Variants in AGBL3 observed in about 807,000 individuals in gnomAD.
AGBL3 encodes the protein AGBL carboxypeptidase 3.
A neutral mutation model predicts 94.5 loss-of-function variants in AGBL3; 68 were observed. The ratio of observed to expected loss-of-function variants is 0.72; its 90% CI spans 0.59 to 0.88. The LOEUF is 0.88. Ranked by LOEUF, AGBL3 falls within the 40% of genes least tolerant of loss-of-function variation. The probability of loss-of-function intolerance (pLI) is 0.00; values close to 1 mark genes in which losing one functional copy is unlikely to be tolerated. For missense variants in AGBL3, 934 were observed against 1,103.8 expected (o/e 0.85, Z 2.18); for synonymous variants, 354 against 370.7 (o/e 0.95, Z 0.52).
intron 16 of AGBL3, among the ~76,000 whole-genome samples, chr7:135,132,850 G>A (rs1314217514): frequency 6.6e-6 from 1 of 152,060 alleles, no homozygotes; most frequent in Non-Finnish European, 1.5e-5. Flanking sequence ...AAATTACCCA[G>A]CATTGGGTAT....
intron 15 of AGBL3, among the ~76,000 whole-genome samples, chr7:135,112,866 C>T (rs1261575047): frequency 6.6e-6 from 1 of 152,188 alleles, no homozygotes; most frequent in Non-Finnish European, 1.5e-5. Flanking sequence ...CAACCTCCGC[C>T]TCCTGGGTTC....
At chr7:134,998,627 T>C (rs1019315820) in intron 4 of AGBL3, among the ~76,000 whole-genome samples, 4 of 152,216 alleles carry the variant, frequency 2.6e-5, no homozygotes, top group African/African-American at 7.2e-5. Context: ...TAAGGATATA[T>C]AGGTACAGAA....
intron 4 of AGBL3, among the ~76,000 whole-genome samples, chr7:135,008,059 T>G (rs1414026953): frequency 6.6e-6 from 1 of 152,034 alleles, no homozygotes; most frequent in Non-Finnish European, 1.5e-5. Context: ...GACAGTCCTC[T>G]CCAAATGAAT....
At chr7:135,127,325 G>T (rs945854363) in intron 16 of AGBL3, among the ~76,000 whole-genome samples, 1 of 151,654 alleles carries the variant, frequency 6.6e-6, no homozygotes, top group Admixed American at 6.6e-5. Flanking sequence ...GGGAGGCCAG[G>T]GTGGGTGGAT....
At chr7:135,095,938 G>A (rs1169271788) in intron 15 of AGBL3, among the ~76,000 whole-genome samples, 1 of 152,170 alleles carries the variant, frequency 6.6e-6, no homozygotes, top group African/African-American at 2.4e-5. Context: ...GATCACCTGA[G>A]GTCAGGAGTT....
chr7:134,989,208 G>GT, intron 2 of AGBL3, 42 bp from the exon 3 acceptor site: 1 of 1,430,128 alleles, frequency 7.0e-7, no homozygotes, highest in Non-Finnish European at 9.5e-7. Flanking sequence ...TTTGAAAACT[G>GT]TTGGTTTTTA....
intron 15 of AGBL3, among the ~76,000 whole-genome samples, chr7:135,098,303 T>A (rs902994409): frequency 6.6e-6 from 1 of 152,186 alleles, no homozygotes; most frequent in Non-Finnish European, 1.5e-5. Context: ...AATGGCATAG[T>A]GTTTGCATAT....
In AGBL3 at chr7:134,997,179, C is replaced by G. The variant is rs761378660; in HGVS notation, c.310+3501C>G. ...ACACAACCTAGATCCCTTGCATGCA[C>G]AGTTCACAATAGGGCTTGTGCTCTT... On this transcript the variant is annotated intron_variant, in intron 4 of 16. Coordinates refer to ENST00000436302, the MANE Select transcript of AGBL3 (RefSeq NM_178563.4). 6.3e-4 allele frequency among the ~76,000 whole-genome samples: 96 copies of G among 152,306 alleles called. 1 individual carries two copies. The highest frequency in any genetic ancestry group is 6.8e-3 in the Middle Eastern group (2 of 294).
chr7:135,011,266 A>C (rs569389511), intron 4 of AGBL3: 1 of 152,322 alleles, frequency 6.6e-6, no homozygotes, highest in Admixed American at 6.5e-5. Context: ...ACAAAAGTCC[A>C]TTTTAAATGG....
At chr7:135,032,755 C>A in intron 5 of AGBL3, 89 bp from the exon 6 acceptor site, 1 of 1,244,078 alleles carries the variant, frequency 8.0e-7, no homozygotes, top group Non-Finnish European at 1.1e-6. Context: ...ACAATCCTTA[C>A]ACTTGTACTA....
intron 15 of AGBL3, among the ~76,000 whole-genome samples, chr7:135,106,663 C>G (rs1441226023): frequency 6.6e-6 from 1 of 152,034 alleles, no homozygotes; most frequent in Non-Finnish European, 1.5e-5. Flanking sequence ...AGGATATTGG[C>G]CTGAAGTTTT....
At chr7:134,989,001 C>T (rs1809867318) in intron 2 of AGBL3, among the ~76,000 whole-genome samples, 1 of 151,914 alleles carries the variant, frequency 6.6e-6, no homozygotes. Flanking sequence ...TTTATTCCTT[C>T]CATAAAGTCA....
intron 15 of AGBL3, among the ~76,000 whole-genome samples, chr7:135,110,573 C>A (rs1585175755): frequency 6.6e-6 from 1 of 152,278 alleles, no homozygotes; most frequent in South Asian, 2.1e-4. Context: ...TGACTCACCC[C>A]TTCCTTGGGC....
At chr7:135,050,448 A>G (rs1347092346) in intron 11 of AGBL3, among the ~76,000 whole-genome samples, 1 of 152,008 alleles carries the variant, frequency 6.6e-6, no homozygotes, top group South Asian at 2.1e-4. Context: ...TTGATCATCT[A>G]TGTTGATATT....
intron 7 of AGBL3, among the ~76,000 whole-genome samples, chr7:135,036,186 T>C (rs899144219): frequency 6.6e-6 from 1 of 152,136 alleles, no homozygotes; most frequent in Non-Finnish European, 1.5e-5. Context: ...TATGTAATTT[T>C]GATTAGTTAA....
Position 135,133,929 on chromosome 7 carries a change from T to C in AGBL3, c.2343-912T>C, listed in dbSNP as rs185241508. Among the ~76,000 whole-genome samples, 69 of 151,952 alleles carry C rather than the reference T, an allele frequency of 4.5e-4. 1 individual carries two copies. The East Asian group carries it at 8.1e-3, about 18-fold the overall frequency. ...CTGCTGATGCACAAAACAACATAGATGAATCTCCAGACAATTACTCTGAGA... is the reference window on the plus strand; with the variant it reads ...CTGCTGATGCACAAAACAACATAGACGAATCTCCAGACAATTACTCTGAGA... On this transcript the variant is annotated intron_variant, in intron 16 of 16. Transcript: ENST00000436302.
chr7:135,111,463 T>C (rs1009782931), intron 15 of AGBL3, among the ~76,000 whole-genome samples: 11 of 152,222 alleles, frequency 7.2e-5, no homozygotes, highest in African/African-American at 2.2e-4. Flanking sequence ...CCTTGATTCA[T>C]TGAGCTATTT....
intron 11 of AGBL3, among the ~76,000 whole-genome samples, chr7:135,047,567 C>G (rs977055242): frequency 6.6e-6 from 1 of 151,960 alleles, no homozygotes; most frequent in African/African-American, 2.4e-5. Flanking sequence ...TGACAGCCAT[C>G]CTGACAGGCA....
intron 12 of AGBL3, among the ~76,000 whole-genome samples, chr7:135,064,460 T>C (rs1584981366): frequency 1.3e-5 from 2 of 152,168 alleles, no homozygotes; most frequent in South Asian, 4.1e-4. Flanking sequence ...ACCTTGGCTG[T>C]TGTGTTAAGA....
Sources: allele counts gnomAD v4.1 joint callset (sites outside exome capture counted in the v4.1 genomes callset), GRCh38; gene constraint gnomAD v4.1.1; transcripts MANE v1.5; gene names NCBI Gene and HGNC (gene_info 2026-07-23, HGNC 2026-07-21).